Variants in VAV1 observed in about 807,000 individuals in gnomAD.
VAV1 encodes proto-oncogene vav.
Under a neutral mutation model 128.1 loss-of-function variants are expected in VAV1, and 33 were observed. That is an observed-to-expected ratio of 0.26 (90% CI 0.20 to 0.34). VAV1 has a LOEUF of 0.34. Ranked by LOEUF, VAV1 falls within the 10% of genes least tolerant of loss-of-function variation. The pLI is 1.00. For synonymous variants in VAV1, 394 were observed against 409.8 expected, an observed-to-expected ratio of 0.96 and a Z score of 0.47; for missense variants, 715 against 1,093.7, an observed-to-expected ratio of 0.65 and a Z score of 4.88.
chr19:6,842,004 T>C (rs541534674), intron 21 of VAV1, among the ~76,000 whole-genome samples: 13 of 151,864 alleles, frequency 8.6e-5, no homozygotes, highest in Non-Finnish European at 1.3e-4. Flanking sequence ...GGCGGGTGGA[T>C]CACCTGAGCT....
Position 6,853,090 on chromosome 19 carries a change from T to G in VAV1, c.2332+11T>G. On this transcript the variant is annotated intron_variant, in intron 25 of 26. Transcript: ENST00000602142. ...TCAGCAGGCCAGCAGGTAGGAGGTC[T>G]CAGACTGGGGGCTTACAGCCTCAGC... 6.2e-7 allele frequency: 1 copy of G among 1,609,710 alleles called. No individual in the cohort carries two copies. The highest frequency in any genetic ancestry group is 8.5e-7 in the Non-Finnish European group (1 of 1,177,096).
chr19:6,824,832 AC>A (rs1386916030), intron 6 of VAV1, among the ~76,000 whole-genome samples: 1 of 152,068 alleles, frequency 6.6e-6, no homozygotes, highest in African/African-American at 2.4e-5. Context: ...ACCTGGCCGG[AC>A]CACATTTGAA....
At chr19:6,834,532 T>C (rs1447064502) in intron 19 of VAV1, among the ~76,000 whole-genome samples, 1 of 150,430 alleles carries the variant, frequency 6.6e-6, no homozygotes, top group African/African-American at 2.4e-5. Flanking sequence ...CGTGAGCCAC[T>C]GTGCCCAGCC....
chr19:6,799,517 TAGGTATACACGTGCCATGGTGG>T (rs1971214916), intron 1 of VAV1, among the ~76,000 whole-genome samples: 1 of 152,080 alleles, frequency 6.6e-6, no homozygotes, highest in Non-Finnish European at 1.5e-5. Flanking sequence ...GTTTGTTACA[TAGGTATACACGTGCCATGGTGG>T]TTTGCTGCAT....
chr19:6,848,908 C>T (rs1442948700), intron 23 of VAV1, among the ~76,000 whole-genome samples: 1 of 151,758 alleles, frequency 6.6e-6, no homozygotes, highest in African/African-American at 2.4e-5. Flanking sequence ...ACCCTCCTAG[C>T]TCAGCCTCCC....
chr19:6,806,637 C>T (rs2144740843), intron 1 of VAV1, among the ~76,000 whole-genome samples: 1 of 152,242 alleles, frequency 6.6e-6, no homozygotes, highest in East Asian at 1.9e-4. Context: ...AAATCACTGT[C>T]CCAGAAGCTG....
At chr19:6,834,227 G>A (rs1025189768) in intron 19 of VAV1, among the ~76,000 whole-genome samples, 2 of 151,770 alleles carry the variant, frequency 1.3e-5, no homozygotes, top group Non-Finnish European at 2.9e-5. Flanking sequence ...CATACAGTAT[G>A]TGCTTATTTT....
At chr19:6,814,694 T>TTCTTTCTTTCTTTCTTTCTTTCTC (rs1971598347) in intron 1 of VAV1, among the ~76,000 whole-genome samples, 1 of 127,730 alleles carries the variant, frequency 7.8e-6, no homozygotes, top group African/African-American at 3.4e-5. Context: ...CTTTCTTTCT[T>TTCTTTCTTTCTTTCTTTCTTTCTC]TCTTTCTTTC....
At chr19:6,825,166 A>G in intron 7 of VAV1, 45 bp downstream of exon 7, 2 of 1,595,612 alleles carry the variant, frequency 1.3e-6, no homozygotes, top group Non-Finnish European at 1.7e-6. Flanking sequence ...TCTAGTGCGG[A>G]TAACCTGCTG....
chr19:6,811,863 A>G (rs948369528), intron 1 of VAV1, among the ~76,000 whole-genome samples: 2 of 152,210 alleles, frequency 1.3e-5, no homozygotes, highest in African/African-American at 4.8e-5. Flanking sequence ...AAACAGTACA[A>G]TGCATGTGCT....
At chr19:6,790,503 ATCTT>A (rs1310113778) in intron 1 of VAV1, among the ~76,000 whole-genome samples, 1 of 152,160 alleles carries the variant, frequency 6.6e-6, no homozygotes. Context: ...CCAAAGGAGA[ATCTT>A]TCTCTGCCTA....
intron 1 of VAV1, among the ~76,000 whole-genome samples, chr19:6,796,679 C>T (rs753036503): frequency 6.6e-6 from 1 of 152,190 alleles, no homozygotes. Flanking sequence ...ACTGAAATGC[C>T]ACTCTCTCAA....
chr19:6,842,019 A>G (rs1229844055), intron 21 of VAV1, among the ~76,000 whole-genome samples: 1 of 151,612 alleles, frequency 6.6e-6, no homozygotes, highest in Non-Finnish European at 1.5e-5. Context: ...TGAGCTCGGG[A>G]GTTTGAGACC....
In VAV1 at chr19:6,822,525, C is replaced by G. The variant is rs925280847; in HGVS notation, c.654+11C>G. Reference sequence around the variant, plus strand: ...GGCTCCATCCAGCAGGTGGGCGCCTCCCACCCAGCGCCTGCCGGGCGCATG... The same window carrying G: ...GGCTCCATCCAGCAGGTGGGCGCCTGCCACCCAGCGCCTGCCGGGCGCATG... On this transcript the variant is annotated intron_variant, in intron 6 of 26. Transcript: ENST00000602142. The surrounding 1 kb of genome is among the most constrained non-coding windows in gnomAD (Gnocchi z 5.9). 5.7e-5 allele frequency: 88 copies of G among 1,544,474 alleles called. No homozygotes were observed. Among genetic ancestry groups the G allele is most frequent in the Non-Finnish European group, 7.2e-5 (82 of 1,146,790 alleles).
At chr19:6,804,359 G>A (rs553361058) in intron 1 of VAV1, among the ~76,000 whole-genome samples, 1 of 151,902 alleles carries the variant, frequency 6.6e-6, no homozygotes, top group East Asian at 1.9e-4. Context: ...GCTCTTGCAG[G>A]GCTACCCCAC....
Position 6,777,429 on chromosome 19 carries a change from A to G in VAV1, c.204+4418A>G, listed in dbSNP as rs1434842409. 6.6e-6 allele frequency among the ~76,000 whole-genome samples: 1 copy of G among 152,208 alleles called. No individual in the cohort carries two copies. Among genetic ancestry groups the G allele is most frequent in the Non-Finnish European group, 1.5e-5 (1 of 68,038 alleles). ...GAAGAAATAAGACAATGTATAAGTC[A>G]TCAGGAGGTGGTATGTACTGCTCTG... On this transcript the variant is annotated intron_variant, in intron 1 of 26. Coordinates refer to ENST00000602142, the MANE Select transcript of VAV1 (RefSeq NM_005428.4). This position sits in a 1 kb window ranked among gnomAD's most constrained non-coding sequence, Gnocchi z 4.4.
At chr19:6,796,507 C>T (rs895918339) in intron 1 of VAV1, among the ~76,000 whole-genome samples, 3 of 152,140 alleles carry the variant, frequency 2.0e-5, no homozygotes, top group Non-Finnish European at 4.4e-5. Context: ...GGCCTCAGGG[C>T]CTTTGCACTG....
chr19:6,821,669 C>T lies in VAV1; in HGVS notation c.369C>T (p.Asn123=), dbSNP rs150094750. 10 of 1,614,174 alleles carry T rather than the reference C, an allele frequency of 6.2e-6. No homozygotes were observed. In the East Asian group the frequency reaches 2.2e-4, roughly 36 times the overall value. ...TGTCCTGGACCCCGATCGCCCAGAA[C>T]AGGGGGATCATGTGAGTAACCACCT... The part of the protein sequence containing the change: ...SALSWTPIAQ[N]RGIMPFPTEE... Residue 123 remains asparagine (N), a synonymous_variant, in exon 3 of 27, where the codon AAC becomes AAT. Coordinates refer to ENST00000602142, the MANE Select transcript of VAV1 (RefSeq NM_005428.4).
rs191379781 is a variant in VAV1 at position 6,826,548 on chromosome 19, C to T, written c.828-64C>T. The T allele has an allele frequency of 8.1e-5, 105 of 1,300,584 alleles. 4 individuals are homozygous for T. The highest frequency in any genetic ancestry group is 4.1e-4 in the Admixed American group (21 of 50,658). 80.6% of individuals were successfully genotyped at this position (1,300,584 alleles called of 1,614,324 possible). A position where few individuals can be genotyped will look rare whatever the true frequency, so the allele number is the denominator to read the frequency against. On this transcript the variant is annotated intron_variant, in intron 8 of 26. Transcript: ENST00000602142. This position sits in a 1 kb window ranked among gnomAD's most constrained non-coding sequence, Gnocchi z 4.1. ...CGGGGAAGAGCAAGGCCAGGGCTGA[C>T]GCCAGCCTCTGCCCGACCTTGATGC...
Sources: allele counts gnomAD v4.1 joint callset (sites outside exome capture counted in the v4.1 genomes callset), GRCh38; gene constraint gnomAD v4.1.1; non-coding constraint Gnocchi (gnomAD v3.1); transcripts MANE v1.5; gene names NCBI Gene and HGNC (gene_info 2026-07-23, HGNC 2026-07-21).